Variants in CLEC16A observed in about 807,000 individuals in gnomAD.
The protein encoded by CLEC16A is C-type lectin domain containing 16A, also known as protein CLEC16A.
CLEC16A carries 51 observed loss-of-function variants against 109.5 expected under a neutral mutation model. The observed-to-expected ratio is 0.47, with a 90% CI of 0.37 to 0.59. CLEC16A has a LOEUF of 0.59. Ranked by LOEUF, CLEC16A falls within the 20% of genes least tolerant of loss-of-function variation. CLEC16A has a pLI of 0.00. For synonymous variants in CLEC16A, 673 were observed against 564.2 expected, an observed-to-expected ratio of 1.19 and a Z score of -2.73; for missense variants, 1,339 against 1,394.0, an observed-to-expected ratio of 0.96 and a Z score of 0.63.
intron 10 of CLEC16A, among the ~76,000 whole-genome samples, chr16:11,000,655 G>A (rs548821512): frequency 5.3e-5 from 8 of 152,234 alleles, no homozygotes; most frequent in Middle Eastern, 3.4e-3. Context: ...GGTTATTGGC[G>A]TCTGTAATAC....
intron 11 of CLEC16A, among the ~76,000 whole-genome samples, chr16:11,015,901 C>A (rs1035517768): frequency 6.6e-6 from 1 of 152,198 alleles, no homozygotes; most frequent in Non-Finnish European, 1.5e-5. Context: ...GCCTATGCCA[C>A]GTCCTCTGCC....
intron 19 of CLEC16A, among the ~76,000 whole-genome samples, chr16:11,077,794 ATGT>A (rs2049465099): frequency 6.6e-6 from 1 of 152,148 alleles, no homozygotes; most frequent in Non-Finnish European, 1.5e-5. Context: ...TGAATGTCAA[ATGT>A]TGTTCATACT....
intron 22 of CLEC16A, among the ~76,000 whole-genome samples, chr16:11,143,335 C>T (rs553544231): frequency 6.6e-6 from 1 of 152,258 alleles, no homozygotes; most frequent in African/African-American, 2.4e-5. Flanking sequence ...CGTTTGACCT[C>T]AGTAGGGATG....
intron 12 of CLEC16A, among the ~76,000 whole-genome samples, chr16:11,021,746 A>G (rs973176654): frequency 1.2e-4 from 18 of 152,210 alleles, no homozygotes; most frequent in African/African-American, 4.1e-4. Flanking sequence ...GCAATGCACT[A>G]TGATTGCACC....
rs541726976 is a variant in CLEC16A at position 11,153,743 on chromosome 16, C to G, written c.2642-12645C>G. Among the ~76,000 whole-genome samples the G allele has an allele frequency of 2.0e-5, 3 of 152,012 alleles. No homozygotes were observed. In the East Asian group the frequency reaches 5.8e-4, roughly 29 times the overall value. On this transcript the variant is annotated intron_variant, in intron 22 of 23. Transcript: ENST00000409790. ...AAGAATACAGTAAACTTTAAAGTCT[C>G]TTAGTTAAAGGAAATCAATACTTTT...
chr16:10,999,546 C>G (rs1165994996), intron 10 of CLEC16A, among the ~76,000 whole-genome samples: 2 of 152,132 alleles, frequency 1.3e-5, no homozygotes, highest in African/African-American at 4.8e-5. Flanking sequence ...GATTCCCACC[C>G]TTTGGACAAA....
At chr16:11,072,904 C>A (rs1362017000) in intron 19 of CLEC16A, among the ~76,000 whole-genome samples, 1 of 152,176 alleles carries the variant, frequency 6.6e-6, no homozygotes, top group Non-Finnish European at 1.5e-5. Flanking sequence ...GGAGGTAACA[C>A]AGGCTTGTTA....
chr16:10,960,395 A>G (rs911186038), intron 2 of CLEC16A, among the ~76,000 whole-genome samples: 1 of 152,146 alleles, frequency 6.6e-6, no homozygotes, highest in South Asian at 2.1e-4. Flanking sequence ...ATGTCTCCCA[A>G]TCTGGGTTTG....
At chr16:11,127,542 CA>C (rs1464874833) in intron 22 of CLEC16A, among the ~76,000 whole-genome samples, 13 of 152,196 alleles carry the variant, frequency 8.5e-5, no homozygotes, top group African/African-American at 3.1e-4. Context: ...TTCACTCTGC[CA>C]CCCACAGCTT....
Position 11,052,584 on chromosome 16 carries a change from G to A in CLEC16A, c.1995+943G>A, listed in dbSNP as rs79325866. 3.3e-3 allele frequency among the ~76,000 whole-genome samples: 505 copies of A among 152,176 alleles called. 7 individuals carry two copies. The highest frequency in any genetic ancestry group is 0.029 in the Admixed American group (446 of 15,290). Reference sequence around the variant, plus strand: ...TCTGACCAAACCCACAAGCCTCACCGCAGGACCCACCCTGTCCGGCCCACT... The same window carrying A: ...TCTGACCAAACCCACAAGCCTCACCACAGGACCCACCCTGTCCGGCCCACT... On this transcript the variant is annotated intron_variant, in intron 18 of 23. Coordinates refer to ENST00000409790, the MANE Select transcript of CLEC16A (RefSeq NM_015226.3).
At chr16:11,055,841 G>A (rs1415264205) in intron 18 of CLEC16A, among the ~76,000 whole-genome samples, 4 of 151,722 alleles carry the variant, frequency 2.6e-5, no homozygotes, top group African/African-American at 7.3e-5. Context: ...CACCTGCCTC[G>A]GCCTCCCATG....
At chr16:10,993,754 G>A (rs2044168273) in intron 10 of CLEC16A, among the ~76,000 whole-genome samples, 1 of 152,210 alleles carries the variant, frequency 6.6e-6, no homozygotes. Context: ...GTAAGGGAGT[G>A]TGAGATGCCT....
At chr16:11,112,495 CA>C (rs984574100) in intron 19 of CLEC16A, among the ~76,000 whole-genome samples, 1,779 of 85,514 alleles carry the variant, frequency 0.021, 16 homozygotes, top group African/African-American at 0.063. Flanking sequence ...CCTATCTCTA[CA>C]AAAAAAAAAA....
At chr16:11,112,607 G>A (rs2153005158) in intron 19 of CLEC16A, among the ~76,000 whole-genome samples, 1 of 152,246 alleles carries the variant, frequency 6.6e-6, no homozygotes, top group African/African-American at 2.4e-5. Context: ...TGAGGCTGCG[G>A]TAAGCAATGA....
chr16:11,084,135 T>C (rs1330015580), intron 19 of CLEC16A, among the ~76,000 whole-genome samples: 2 of 151,964 alleles, frequency 1.3e-5, no homozygotes, highest in East Asian at 3.9e-4. Flanking sequence ...GTGTGTCCCC[T>C]TCAGCTCTGG....
intron 23 of CLEC16A, among the ~76,000 whole-genome samples, chr16:11,170,832 A>G (rs1384830338): frequency 6.6e-6 from 1 of 152,230 alleles, no homozygotes; most frequent in Non-Finnish European, 1.5e-5. Flanking sequence ...ACCCAGAGGC[A>G]TGTGCAGTTA....
rs376451685 is a variant in CLEC16A at position 10,979,358 on chromosome 16, G to A, written c.933G>A (p.Pro311=). The A allele has an allele frequency of 8.1e-6, 13 of 1,612,862 alleles. No individual in the cohort carries two copies. The highest frequency in any genetic ancestry group is 6.7e-5 in the East Asian group (3 of 44,834). The change falls in exon 9 of 24, where the codon CCG becomes CCA. Residue 311 remains proline, a synonymous_variant. Transcript: ENST00000409790. ...KGGERPKISL[P]VSLYLLSQVF... The stretch of plus-strand genomic sequence containing the variant: ...GAGAACGGCCGAAAATTAGCCTGCC[G>A]GTGTCTCTTTATCTTCTGTCACAGG...
At chr16:10,974,468 G>C (rs991211929) in intron 7 of CLEC16A, among the ~76,000 whole-genome samples, 20 of 152,114 alleles carry the variant, frequency 1.3e-4, no homozygotes, top group African/African-American at 4.8e-4. Context: ...TTGTTGGGGG[G>C]GCTGTCCTGT....
chr16:11,043,980 C>T (rs74163616), intron 15 of CLEC16A, 48 bp from the exon 16 acceptor site: 70 of 1,502,448 alleles, frequency 4.7e-5, no homozygotes, highest in Non-Finnish European at 6.1e-5. Context: ...CCGACTTGCT[C>T]ACCTATATGA....
Sources: allele counts gnomAD v4.1 joint callset (sites outside exome capture counted in the v4.1 genomes callset), GRCh38; gene constraint gnomAD v4.1.1; transcripts MANE v1.5; gene names NCBI Gene and HGNC (gene_info 2026-07-23, HGNC 2026-07-21).